Variants in LRPAP1 observed in about 807,000 individuals in gnomAD.
LRPAP1 encodes LDL receptor related protein associated protein 1.
In LRPAP1, 41 loss-of-function variants were observed where a neutral mutation model predicts 39.9. That is an observed-to-expected ratio of 1.03 (90% CI 0.80 to 1.33). The LOEUF is 1.33. Ranked by LOEUF, LRPAP1 falls within the 40% of genes most tolerant of loss-of-function variation. The probability of loss-of-function intolerance (pLI) is 0.00; values close to 1 mark genes in which losing one functional copy is unlikely to be tolerated. For missense variants in LRPAP1, 565 were observed against 482.3 expected (o/e 1.17, Z -1.61); for synonymous variants, 263 against 212.7 (o/e 1.24, Z -2.06).
rs977891021 is a variant in LRPAP1, at chr4:3,507,664, C to A, written c.*5310G>T. ...ATGATCTAAGCCTCTATCAAAAGAA[C>A]CTAAAACAAGGACAGCAAATTGAAC... On this transcript the variant is annotated 3_prime_UTR_variant, in exon 8 of 8. Coordinates refer to ENST00000650182, the MANE Select transcript of LRPAP1 (RefSeq NM_002337.4). 6 of 151,646 alleles carry A rather than the reference C, an allele frequency of 4.0e-5. No homozygotes were observed. The highest frequency in any genetic ancestry group is 8.8e-5 in the Non-Finnish European group (6 of 67,964). The allele number at this position is 151,646 out of a possible 1,614,324, so 9.4% of individuals were successfully genotyped here.
At position 3,504,042 on chromosome 4, in the gene LRPAP1, G is replaced by A. The variant is rs1031980836; in HGVS notation, c.*8932C>T. On this transcript the variant is annotated 3_prime_UTR_variant, in exon 8 of 8. Transcript: ENST00000650182. ...ACACCAGGCTCCAGCCCAGCCTCAG[G>A]TGAGAGTGAAGGGAGCACCTATCTG... 7 of 152,508 alleles carry A rather than the reference G, an allele frequency of 4.6e-5. No individual in the cohort carries two copies. Among genetic ancestry groups the A allele is most frequent in the African/African-American group, 9.6e-5 (4 of 41,476 alleles). The allele number at this position is 152,508 out of a possible 1,614,324, so 9.4% of individuals were successfully genotyped here. A position where few individuals can be genotyped will look rare whatever the true frequency, so the allele number is the denominator to read the frequency against.
chr4:3,521,289 G>T (rs1169490866), intron 2 of LRPAP1, among the ~76,000 whole-genome samples: 2 of 152,192 alleles, frequency 1.3e-5, no homozygotes, highest in Non-Finnish European at 2.9e-5. Flanking sequence ...CCAAGATGCT[G>T]GGCTCGGAGC....
rs778421243 is a variant in LRPAP1 at position 3,518,922 on chromosome 4, C to T, written c.541G>A (p.Glu181Lys). 7 of 1,613,822 alleles carry T rather than the reference C, an allele frequency of 4.3e-6. No individual in the cohort carries two copies. In the Admixed American group the frequency reaches 1.0e-4, roughly 23 times the overall value. The change falls in exon 4 of 8, where the codon GAG becomes AAG. Residue 181 changes from glutamate to lysine, a missense_variant. Physicochemically the swap from Glu to Lys is moderately conservative, Grantham distance 56 (BLOSUM62 1). Coordinates refer to ENST00000650182, the MANE Select transcript of LRPAP1 (RefSeq NM_002337.4). ...AGGACGTTGTACTCGTGAACTTTCT[C>T]TTTGTGATGCAGGAACTCCCGCCAG... The part of the protein sequence containing the change: ...KLWREFLHHK[E>K]KVHEYNVLLE...
At chr4:3,517,255 G>T (rs1167074561) in intron 5 of LRPAP1, among the ~76,000 whole-genome samples, 1 of 152,258 alleles carries the variant, frequency 6.6e-6, no homozygotes, top group Non-Finnish European at 1.5e-5. Context: ...ACATTTGACT[G>T]CTGTGCTGGA....
At chr4:3,513,750 T>C (rs1356600294) in intron 7 of LRPAP1, among the ~76,000 whole-genome samples, 1 of 152,152 alleles carries the variant, frequency 6.6e-6, no homozygotes, top group Non-Finnish European at 1.5e-5. Context: ...TCCCCACAGA[T>C]ACCACCCCAG....
At chr4:3,521,618 G>C (rs1397362659) in intron 2 of LRPAP1, among the ~76,000 whole-genome samples, 1 of 152,192 alleles carries the variant, frequency 6.6e-6, no homozygotes, top group African/African-American at 2.4e-5. Flanking sequence ...GGCCATGGGG[G>C]TCTCAAGGCC....
At chr4:3,516,262 G>T in intron 5 of LRPAP1, 64 bp from the exon 6 acceptor site, 1 of 1,314,800 alleles carries the variant, frequency 7.6e-7, no homozygotes, top group Non-Finnish European at 1.1e-6. Context: ...CCAGCCCCGC[G>T]GCAACCACGC....
chr4:3,524,914 G>A lies in LRPAP1; in HGVS notation c.342C>T (p.Asn114=). The change falls in exon 2 of 8, where the codon AAC becomes AAT. Residue 114 remains asparagine (N), a synonymous_variant. Coordinates refer to ENST00000650182, the MANE Select transcript of LRPAP1 (RefSeq NM_002337.4). ...DGEKEARLIR[N]LNVILAKYGL... ...GGAAAGAAACAAACGTACCATTGAG[G>A]TTGCGTATGAGTCTCGCTTCCTTCT... 6.2e-7 allele frequency: 1 copy of A among 1,614,196 alleles called. No homozygotes were observed. Among genetic ancestry groups the A allele is most frequent in the Non-Finnish European group, 8.5e-7 (1 of 1,180,018 alleles).
At chr4:3,513,278 A>G (rs895154918) in intron 7 of LRPAP1, among the ~76,000 whole-genome samples, 1 of 152,214 alleles carries the variant, frequency 6.6e-6, no homozygotes, top group Non-Finnish European at 1.5e-5. Flanking sequence ...GCTGAAGTGG[A>G]AAGCTCAGGG....
At chr4:3,523,099 C>A (rs1729969509) in intron 2 of LRPAP1, among the ~76,000 whole-genome samples, 2 of 152,172 alleles carry the variant, frequency 1.3e-5, no homozygotes, top group South Asian at 4.1e-4. Context: ...TGGCAGAAAA[C>A]AAGACAGCTC....
intron 5 of LRPAP1, chr4:3,517,794 T>G (rs1729764356): frequency 2.2e-6 from 1 of 455,620 alleles, no homozygotes; most frequent in South Asian, 4.0e-5. Context: ...CCAGGCCCGC[T>G]GCCGCCACTG....
intron 6 of LRPAP1, chr4:3,515,796 G>T (rs535124268): frequency 4.9e-6 from 2 of 409,352 alleles, no homozygotes; most frequent in South Asian, 2.5e-5. Flanking sequence ...AGTGTCCTTG[G>T]TCCCCTCCCC....
At position 3,532,379 on chromosome 4, in the gene LRPAP1, C is replaced by A. The variant is rs1392104876; in HGVS notation, c.34G>T (p.Gly12Trp). Residue 12 changes from glycine to tryptophan, a missense_variant, in exon 1 of 8, where the codon GGG becomes TGG. Gly to Trp is a radical substitution (Grantham distance 184, BLOSUM62 -2). Transcript: ENST00000650182. ...AGCAGCAGTAGCAGCGCCGGGAGCC[C>A]GCGCAGAAACGACCTGACCCTCCGC... Reference protein sequence around the residue: ...APRRVRSFLRGLPALLLLLLF... With the variant: ...APRRVRSFLRWLPALLLLLLF... 2 of 1,591,096 alleles carry A rather than the reference C, an allele frequency of 1.3e-6. No individual in the cohort carries two copies. Among genetic ancestry groups the A allele is most frequent in the East Asian group, 2.3e-5 (1 of 43,870 alleles).
At position 3,513,049 on chromosome 4, in the gene LRPAP1, A is replaced by G; in HGVS notation, c.1012-13T>C. Reference sequence around the variant, plus strand: ...GATGCTTCTTCACCTGTGGACAGAAACGTCTCATCAGCTGGGGACAGCGCG... The same window carrying G: ...GATGCTTCTTCACCTGTGGACAGAAGCGTCTCATCAGCTGGGGACAGCGCG... On this transcript the variant is annotated splice_polypyrimidine_tract_variant and intron_variant, in intron 7 of 7. Coordinates refer to ENST00000650182, the MANE Select transcript of LRPAP1 (RefSeq NM_002337.4). 1 of 1,609,304 alleles carries G rather than the reference A, an allele frequency of 6.2e-7. No homozygotes were observed. Among genetic ancestry groups the G allele is most frequent in the Non-Finnish European group, 8.5e-7 (1 of 1,177,262 alleles).
Position 3,504,746 on chromosome 4 carries a change from A to G in LRPAP1, c.*8228T>C. Among the ~76,000 whole-genome samples the G allele has an allele frequency of 4.9e-5, 1 of 20,280 alleles. No individual in the cohort carries two copies. Among genetic ancestry groups the G allele is most frequent in the South Asian group, 4.1e-3 (1 of 244 alleles). 13.3% of individuals were successfully genotyped at this position (20,280 alleles called of 152,430 possible). A position where few individuals can be genotyped will look rare whatever the true frequency, so the allele number is the denominator to read the frequency against. On this transcript the variant is annotated 3_prime_UTR_variant, in exon 8 of 8. Coordinates refer to ENST00000650182, the MANE Select transcript of LRPAP1 (RefSeq NM_002337.4). The stretch of plus-strand genomic sequence containing the variant: ...GCCTGAGCAATTGAGATTCCATCTC[A>G]AAAAAAAAAAAAAAAAAACCAAAAA...
chr4:3,521,827 G>C (rs1011848783), intron 2 of LRPAP1, among the ~76,000 whole-genome samples: 2 of 152,222 alleles, frequency 1.3e-5, no homozygotes, highest in African/African-American at 4.8e-5. Flanking sequence ...CCATGGCAGG[G>C]AATTTATACC....
At chr4:3,516,924 T>C (rs1729722716) in intron 5 of LRPAP1, among the ~76,000 whole-genome samples, 2 of 152,200 alleles carry the variant, frequency 1.3e-5, no homozygotes, top group South Asian at 4.1e-4. Flanking sequence ...GCAAGAGAAC[T>C]GCAGGAGCCG....
At chr4:3,516,394 C>T (rs1457201892) in intron 5 of LRPAP1, among the ~76,000 whole-genome samples, 196 bp from the exon 6 acceptor site, 3 of 93,212 alleles carry the variant, frequency 3.2e-5, no homozygotes, top group East Asian at 7.8e-4. Flanking sequence ...CACATGACCT[C>T]GCTGAAATGT....
chr4:3,518,937 A>G lies in LRPAP1; in HGVS notation c.526T>C (p.Phe176Leu). 2.5e-6 allele frequency: 4 copies of G among 1,613,676 alleles called. No homozygotes were observed. In the African/African-American group the frequency reaches 5.3e-5, roughly 22 times the overall value. The change falls in exon 4 of 8, where the codon TTC becomes CTC. Residue 176 changes from phenylalanine to leucine, a missense_variant. Phe to Leu is a conservative substitution (Grantham distance 22). Transcript: ENST00000650182. The part of the protein sequence containing the change: ...GEELDKLWRE[F>L]LHHKEKVHEY... ...TGAACTTTCTCTTTGTGATGCAGGA[A>G]CTCCCGCCAGAGCTTGTCCAGTTCT...
Sources: gnomAD v4.1 joint callset for allele counts (sites outside exome capture counted in the v4.1 genomes callset) on GRCh38, gnomAD v4.1.1 for gene constraint, MANE v1.5 for transcripts, NCBI Gene and HGNC (gene_info 2026-07-23, HGNC 2026-07-21) for gene names.